The following DOCK3 variants were observed in gnomAD, a reference collection of about 807,000 sequenced individuals.
DOCK3 encodes the protein dedicator of cytokinesis 3.
In DOCK3, 60 loss-of-function variants were observed where a neutral mutation model predicts 265.6. The observed-to-expected ratio is 0.23, with a 90% CI of 0.18 to 0.28. The LOEUF is 0.28. Ranked by LOEUF, DOCK3 falls within the 10% of genes least tolerant of loss-of-function variation. The pLI, the probability that DOCK3 is intolerant of heterozygous loss-of-function variation, is 1.00. For missense variants in DOCK3, 1,981 were observed against 2,594.3 expected, an observed-to-expected ratio of 0.76 and a Z score of 5.14; for synonymous variants, 881 against 938.0, an observed-to-expected ratio of 0.94 and a Z score of 1.11.
At chr3:51,211,911 T>A (rs975681420) in intron 13 of DOCK3, among the ~76,000 whole-genome samples, 5 of 152,162 alleles carry the variant, frequency 3.3e-5, no homozygotes, top group African/African-American at 9.7e-5. Flanking sequence ...GAGGGCCCCA[T>A]TGAGATGATA....
intron 3 of DOCK3, among the ~76,000 whole-genome samples, chr3:50,873,419 T>C (rs1053575357): frequency 6.6e-6 from 1 of 152,160 alleles, no homozygotes; most frequent in East Asian, 1.9e-4. Flanking sequence ...GTATCCAAGA[T>C]GCCAGACAAA....
intron 5 of DOCK3, among the ~76,000 whole-genome samples, chr3:50,976,279 T>G (rs1037925274): frequency 8.3e-6 from 1 of 120,154 alleles, no homozygotes; most frequent in African/African-American, 3.0e-5. Flanking sequence ...TGTGGGCATT[T>G]AGTGCTATAA....
chr3:51,075,390 T>G lies in DOCK3; in HGVS notation c.499T>G (p.Phe167Val). 1.2e-6 allele frequency: 2 copies of G among 1,611,500 alleles called. No individual in the cohort carries two copies. The highest frequency in any genetic ancestry group is 1.7e-6 in the Non-Finnish European group (2 of 1,178,962). Residue 167 changes from phenylalanine (F) to valine (V), a missense_variant, in exon 7 of 53, where the codon TTT (phenylalanine) becomes GTT (valine). Phe to Val is a conservative substitution (Grantham distance 50). Transcript: ENST00000266037. ...LGLDLVPRKDFEVVDSDQISV... is the reference protein window; with the variant it reads ...LGLDLVPRKDVEVVDSDQISV... ...CCTGGACCTGGTGCCTCGGAAGGACTTTGAAGTAGTGGACTCGGACCAGAT... is the reference window on the plus strand; with the variant it reads ...CCTGGACCTGGTGCCTCGGAAGGACGTTGAAGTAGTGGACTCGGACCAGAT...
rs2086007681 is a variant in DOCK3 at position 51,159,149 on chromosome 3, A to G, written c.829-95A>G. 3 of 1,205,204 alleles carry G rather than the reference A, an allele frequency of 2.5e-6. No homozygotes were observed. The South Asian group carries it at 3.8e-5, about 15-fold the overall frequency. 74.7% of individuals were successfully genotyped at this position (1,205,204 alleles called of 1,614,324 possible). On this transcript the variant is annotated intron_variant, in intron 10 of 52. Coordinates refer to ENST00000266037, the MANE Select transcript of DOCK3 (RefSeq NM_004947.5). Reference sequence around the variant, plus strand: ...CTGTAATCTCCCTTCCCCTGCCTATAACATACAGTAAAAGCAAATGACTAG... The same window carrying G: ...CTGTAATCTCCCTTCCCCTGCCTATGACATACAGTAAAAGCAAATGACTAG...
At chr3:50,746,244 T>C (rs1279598262) in intron 1 of DOCK3, among the ~76,000 whole-genome samples, 1 of 151,814 alleles carries the variant, frequency 6.6e-6, no homozygotes, top group African/African-American at 2.4e-5. Context: ...GTAGCTAGGA[T>C]TACAGGCACA....
intron 32 of DOCK3, among the ~76,000 whole-genome samples, chr3:51,319,159 C>T (rs2083533708): frequency 6.6e-6 from 1 of 152,110 alleles, no homozygotes; most frequent in African/African-American, 2.4e-5. Context: ...GAATATGATA[C>T]TATCCTTATG....
intron 4 of DOCK3, among the ~76,000 whole-genome samples, chr3:50,924,591 C>T (rs1320550530): frequency 6.6e-6 from 1 of 152,210 alleles, no homozygotes; most frequent in Non-Finnish European, 1.5e-5. Flanking sequence ...GTCCAAATCT[C>T]ATCCTCTTTG....
At chr3:51,031,831 T>C (rs2080060044) in intron 5 of DOCK3, among the ~76,000 whole-genome samples, 1 of 152,158 alleles carries the variant, frequency 6.6e-6, no homozygotes, top group African/African-American at 2.4e-5. Flanking sequence ...TGGAGGGAAC[T>C]TCCAGCATGT....
intron 12 of DOCK3, among the ~76,000 whole-genome samples, chr3:51,161,650 G>A (rs1252111600): frequency 1.3e-5 from 2 of 152,046 alleles, no homozygotes; most frequent in African/African-American, 4.8e-5. Flanking sequence ...TTATATATTT[G>A]CAGAAAAGCT....
intron 9 of DOCK3, among the ~76,000 whole-genome samples, chr3:51,139,409 A>AT (rs1169396019): frequency 2.0e-5 from 3 of 152,056 alleles, no homozygotes; most frequent in African/African-American, 7.2e-5. Flanking sequence ...GTGCTATCTC[A>AT]TTTGCTCCCT....
intron 5 of DOCK3, among the ~76,000 whole-genome samples, chr3:50,954,384 A>G (rs1253884227): frequency 6.6e-6 from 1 of 152,156 alleles, no homozygotes; most frequent in African/African-American, 2.4e-5. Context: ...AGGATTTGGG[A>G]GTTAAATATG....
rs936921428 is a variant in DOCK3 at position 50,917,745 on chromosome 3, G to A, written c.219-16236G>A. ...GATAGTTTGTATTTTGTATTTTTACGTAACTCTGAAGTTTTGTTTTTATTT... is the reference window on the plus strand; with the variant it reads ...GATAGTTTGTATTTTGTATTTTTACATAACTCTGAAGTTTTGTTTTTATTT... On this transcript the variant is annotated intron_variant, in intron 4 of 52. Coordinates refer to ENST00000266037, the MANE Select transcript of DOCK3 (RefSeq NM_004947.5). Among the ~76,000 whole-genome samples the A allele has an allele frequency of 3.5e-4, 53 of 151,636 alleles. 1 individual carries two copies. Among genetic ancestry groups the A allele is most frequent in the Admixed American group, 9.9e-4 (15 of 15,228 alleles).
chr3:51,121,278 G>A (rs1452138615), intron 9 of DOCK3, among the ~76,000 whole-genome samples: 1 of 152,180 alleles, frequency 6.6e-6, no homozygotes, highest in East Asian at 1.9e-4. Flanking sequence ...TTCGGGGTGA[G>A]GCGATGCCCC....
chr3:50,735,859 G>A (rs919355076), intron 1 of DOCK3, among the ~76,000 whole-genome samples: 43 of 152,080 alleles, frequency 2.8e-4, no homozygotes, highest in Admixed American at 3.9e-4. Flanking sequence ...GGGGCCTCAG[G>A]GAGCTTTTAC....
intron 1 of DOCK3, among the ~76,000 whole-genome samples, chr3:50,775,322 T>C (rs911871081): frequency 1.3e-5 from 2 of 152,120 alleles, no homozygotes; most frequent in South Asian, 4.1e-4. Context: ...TTTAAATTTT[T>C]AACTTCTCTG....
At chr3:51,083,182 A>G (rs898207530) in intron 7 of DOCK3, among the ~76,000 whole-genome samples, 5 of 152,194 alleles carry the variant, frequency 3.3e-5, no homozygotes, top group South Asian at 2.1e-4. Flanking sequence ...ACTCACAGAC[A>G]CCACTGACAC....
chr3:51,196,012 T>C (rs1052891552), intron 12 of DOCK3, among the ~76,000 whole-genome samples: 4 of 152,142 alleles, frequency 2.6e-5, no homozygotes, highest in African/African-American at 9.7e-5. Flanking sequence ...TACAGCTCAC[T>C]GCAGCCTCAA....
chr3:51,081,527 TG>T, intron 7 of DOCK3, among the ~76,000 whole-genome samples: 1 of 152,282 alleles, frequency 6.6e-6, no homozygotes, highest in South Asian at 2.1e-4. Flanking sequence ...GCTCAAACTC[TG>T]TGAGGTTGAG....
intron 9 of DOCK3, among the ~76,000 whole-genome samples, chr3:51,106,908 A>G (rs1433101980): frequency 6.6e-6 from 1 of 152,254 alleles, no homozygotes; most frequent in South Asian, 2.1e-4. Flanking sequence ...CATGAAAACA[A>G]GATCCCGCTG....
Sources: allele counts gnomAD v4.1 joint callset (sites outside exome capture counted in the v4.1 genomes callset), GRCh38; gene constraint gnomAD v4.1.1; transcripts MANE v1.5; gene names NCBI Gene and HGNC (gene_info 2026-07-23, HGNC 2026-07-21).